CTNND2: variants seen among roughly 807,000 people sequenced by gnomAD.
CTNND2 encodes catenin delta 2.
A neutral mutation model predicts 144.4 loss-of-function variants in CTNND2; 22 were observed. The ratio of observed to expected loss-of-function variants is 0.15; its 90% confidence interval spans 0.11 to 0.22. The LOEUF (loss-of-function observed/expected upper bound fraction) is 0.22, where lower values mean the gene tolerates loss of function less well. Ranked by LOEUF, CTNND2 falls within the 10% of genes least tolerant of loss-of-function variation. The pLI is 1.00. For synonymous variants in CTNND2, 751 were observed against 695.6 expected (o/e 1.08, Z -1.25); for missense variants, 1,353 against 1,618.8 (o/e 0.84, Z 2.82).
At chr5:11,330,315 C>CAAAAAAA (rs1257414767) in intron 9 of CTNND2, among the ~76,000 whole-genome samples, 1,044 of 82,248 alleles carry the variant, frequency 0.013, 9 homozygotes, top group South Asian at 0.03. Context: ...ACTAAAAATA[C>CAAAAAAA]AAAAAAAAAA....
chr5:11,697,208 A>G (rs34987834), intron 2 of CTNND2, among the ~76,000 whole-genome samples: 1,752 of 152,336 alleles, frequency 0.012, 16 homozygotes, highest in Middle Eastern at 0.027. Context: ...ACTGTTATAC[A>G]GAGGTTGTTG....
chr5:11,588,813 A>T (rs1779038520), intron 2 of CTNND2: 1 of 985,368 alleles, frequency 1.0e-6, no homozygotes, highest in Non-Finnish European at 1.2e-6. Flanking sequence ...ACTAGTCCCA[A>T]AGATGAAGGG....
chr5:11,316,023 G>T lies in CTNND2; in HGVS notation c.1628+30349C>A, dbSNP rs369932277. Among the ~76,000 whole-genome samples the T allele has an allele frequency of 2.3e-4, 35 of 152,230 alleles. 1 individual carries two copies. In the East Asian group the frequency reaches 6.2e-3, roughly 27 times the overall value. Reference sequence around the variant, plus strand: ...AAAGAGCATTTATCCTGTTAATTATGATTTCTTTCACAATACATTTTATTA... The same window carrying T: ...AAAGAGCATTTATCCTGTTAATTATTATTTCTTTCACAATACATTTTATTA... On this transcript the variant is annotated intron_variant, in intron 9 of 21. Coordinates refer to ENST00000304623, the MANE Select transcript of CTNND2 (RefSeq NM_001332.4).
intron 3 of CTNND2, among the ~76,000 whole-genome samples, chr5:11,423,316 C>CAT (rs1762518370): frequency 1.3e-5 from 2 of 152,200 alleles, no homozygotes. Context: ...TTGAACACTT[C>CAT]ATTCCCTGAT....
intron 2 of CTNND2, among the ~76,000 whole-genome samples, chr5:11,714,384 C>T (rs1786222806): frequency 6.6e-6 from 1 of 152,138 alleles, no homozygotes; most frequent in Non-Finnish European, 1.5e-5. Context: ...CAATACCTTA[C>T]TCTGGTAAAG....
intron 2 of CTNND2, among the ~76,000 whole-genome samples, chr5:11,578,036 A>G (rs187339178): frequency 6.6e-6 from 1 of 152,302 alleles, no homozygotes; most frequent in East Asian, 1.9e-4. Flanking sequence ...ACAGGTTCTT[A>G]CACCCAAAAA....
chr5:11,499,780 A>G (rs1770361951), intron 3 of CTNND2, among the ~76,000 whole-genome samples: 1 of 152,126 alleles, frequency 6.6e-6, no homozygotes, highest in Non-Finnish European at 1.5e-5. Context: ...TGTACATTTA[A>G]TTTTTAAATT....
intron 9 of CTNND2, among the ~76,000 whole-genome samples, chr5:11,264,560 C>T (rs990088746): frequency 1.3e-5 from 2 of 152,218 alleles, no homozygotes; most frequent in African/African-American, 2.4e-5. Flanking sequence ...ACTGACACCA[C>T]ATCTCCAGAA....
chr5:11,114,317 C>G, intron 13 of CTNND2, among the ~76,000 whole-genome samples: 1 of 151,684 alleles, frequency 6.6e-6, no homozygotes, highest in Non-Finnish European at 1.5e-5. Context: ...TATAATCGAG[C>G]TGCAGCTGGG....
intron 9 of CTNND2, among the ~76,000 whole-genome samples, chr5:11,239,826 C>T (rs1467219151): frequency 2.0e-5 from 3 of 152,172 alleles, no homozygotes; most frequent in Non-Finnish European, 4.4e-5. Context: ...CTCCTACCCA[C>T]GCAATGCCCA....
chr5:11,193,700 A>G (rs1485965513), intron 11 of CTNND2, among the ~76,000 whole-genome samples: 1 of 152,158 alleles, frequency 6.6e-6, no homozygotes, highest in African/African-American at 2.4e-5. Context: ...TTGACAAATT[A>G]CTTAGCTCCT....
At chr5:11,670,486 C>T (rs1424553023) in intron 2 of CTNND2, among the ~76,000 whole-genome samples, 2 of 152,138 alleles carry the variant, frequency 1.3e-5, no homozygotes, top group Non-Finnish European at 2.9e-5. Flanking sequence ...TTGCATTGAT[C>T]CCTTTATCAT....
chr5:11,288,332 A>AT (rs35749102), intron 9 of CTNND2, among the ~76,000 whole-genome samples: 44,273 of 148,884 alleles, frequency 0.3, 6,579 homozygotes, highest in Middle Eastern at 0.38. Flanking sequence ...GCCTTCAAGT[A>AT]TTTTTTTTTT....
chr5:11,703,570 C>T (rs557747771), intron 2 of CTNND2, among the ~76,000 whole-genome samples: 1 of 152,314 alleles, frequency 6.6e-6, no homozygotes, highest in South Asian at 2.1e-4. Context: ...AACTTTCTTT[C>T]TAACATTTAT....
At chr5:11,218,030 C>A (rs1464417903) in intron 10 of CTNND2, among the ~76,000 whole-genome samples, 1 of 151,640 alleles carries the variant, frequency 6.6e-6, no homozygotes, top group Non-Finnish European at 1.5e-5. Context: ...TCCCTTCCTC[C>A]CTCCCTTCTT....
intron 9 of CTNND2, among the ~76,000 whole-genome samples, chr5:11,297,685 A>C (rs994625428): frequency 6.6e-6 from 1 of 152,188 alleles, no homozygotes; most frequent in Admixed American, 6.5e-5. Flanking sequence ...GGGCTTCCAT[A>C]ATTTTTAAGA....
In CTNND2 at chr5:11,450,289, T is replaced by A. The variant is rs181345447; in HGVS notation, c.288-38220A>T. The stretch of plus-strand genomic sequence containing the variant: ...TCTATCATAAAATCTATAGAAGCTG[T>A]TATTCCATATGTCACCATAAAAATT... On this transcript the variant is annotated intron_variant, in intron 3 of 21. Transcript: ENST00000304623. Among the ~76,000 whole-genome samples the A allele has an allele frequency of 1.0e-3, 154 of 152,350 alleles. 1 individual carries two copies. Among genetic ancestry groups the A allele is most frequent in the Admixed American group, 9.8e-4 (15 of 15,292 alleles).
At chr5:11,880,994 C>A (rs908417246) in intron 1 of CTNND2, among the ~76,000 whole-genome samples, 5 of 147,784 alleles carry the variant, frequency 3.4e-5, no homozygotes, top group African/African-American at 9.9e-5. Context: ...ACTACTGCTA[C>A]TAGTACTACT....
In CTNND2 at chr5:11,899,403, T is replaced by C. The variant is rs539226646; in HGVS notation, c.37+4414A>G. ...TCTACTGGGTTAGAATCTTTTATAA[T>C]AATGGTGTTGGGAGATATAATTTAC... On this transcript the variant is annotated intron_variant, in intron 1 of 21. Transcript: ENST00000304623. 1.1e-4 allele frequency among the ~76,000 whole-genome samples: 17 copies of C among 152,350 alleles called. No homozygotes were observed. In the East Asian group the frequency reaches 2.1e-3, roughly 19 times the overall value.
Sources: gnomAD v4.1 joint callset for allele counts (sites outside exome capture counted in the v4.1 genomes callset) on GRCh38, gnomAD v4.1.1 for gene constraint, MANE v1.5 for transcripts, NCBI Gene and HGNC (gene_info 2026-07-23, HGNC 2026-07-21) for gene names.